The following CPQ variants were observed in gnomAD, a reference collection of about 807,000 sequenced individuals.
CPQ encodes Ser-Met dipeptidase.
In CPQ, 37 loss-of-function variants were observed where a neutral mutation model predicts 45.7. The observed-to-expected ratio is 0.81, with a 90% confidence interval of 0.62 to 1.07. The LOEUF is 1.07. CPQ is among the 50% of genes least tolerant of loss of function. The pLI, the probability that CPQ is intolerant of heterozygous loss-of-function variation, is 0.00. For synonymous variants in CPQ, 186 were observed against 205.8 expected (o/e 0.90, Z 0.82); for missense variants, 537 against 572.9 (o/e 0.94, Z 0.64).
At chr8:97,001,251 C>G (rs1047436140) in intron 5 of CPQ, among the ~76,000 whole-genome samples, 1 of 152,082 alleles carries the variant, frequency 6.6e-6, no homozygotes, top group Non-Finnish European at 1.5e-5. Context: ...TGCCTGATTG[C>G]CCTGGCCTGA....
chr8:96,722,646 G>T (rs1809780304), intron 1 of CPQ, among the ~76,000 whole-genome samples: 1 of 152,126 alleles, frequency 6.6e-6, no homozygotes, highest in Non-Finnish European at 1.5e-5. Context: ...GATATACTAG[G>T]CTAGTCTGAG....
chr8:97,108,030 C>T (rs751157016), intron 7 of CPQ, among the ~76,000 whole-genome samples: 1 of 152,094 alleles, frequency 6.6e-6, no homozygotes, highest in South Asian at 2.1e-4. Context: ...GGTGGTGGGA[C>T]GATGTGGAAG....
At chr8:96,645,604 T>C (rs1366796142) in intron 1 of CPQ, among the ~76,000 whole-genome samples, 1 of 151,940 alleles carries the variant, frequency 6.6e-6, no homozygotes, top group African/African-American at 2.4e-5. Flanking sequence ...GGCTGCCCCT[T>C]CGGTGACAGT....
chr8:97,131,123 G>A (rs1040410157), intron 7 of CPQ, among the ~76,000 whole-genome samples: 3 of 152,158 alleles, frequency 2.0e-5, no homozygotes, highest in African/African-American at 4.8e-5. Context: ...AGGGTAATTC[G>A]CCTTGTGTCT....
At chr8:97,125,186 T>C (rs1811828182) in intron 7 of CPQ, among the ~76,000 whole-genome samples, 1 of 152,122 alleles carries the variant, frequency 6.6e-6, no homozygotes, top group African/African-American at 2.4e-5. Flanking sequence ...TTGCTAATAC[T>C]GATTCAAGAA....
At chr8:96,771,801 A>G (rs1392602247) in intron 1 of CPQ, among the ~76,000 whole-genome samples, 1 of 152,156 alleles carries the variant, frequency 6.6e-6, no homozygotes, top group Non-Finnish European at 1.5e-5. Context: ...TGGCTGTGCT[A>G]GAGCCTTTCA....
At chr8:96,758,536 T>C (rs1251755938) in intron 1 of CPQ, among the ~76,000 whole-genome samples, 1 of 152,142 alleles carries the variant, frequency 6.6e-6, no homozygotes, top group Admixed American at 6.5e-5. Context: ...TCAATGAAGG[T>C]GTGTGCATGT....
chr8:96,946,560 T>G (rs1262521039), intron 4 of CPQ, among the ~76,000 whole-genome samples: 2 of 151,626 alleles, frequency 1.3e-5, no homozygotes, highest in Non-Finnish European at 2.9e-5. Context: ...CTAACTCTAG[T>G]TATATCTCCC....
At chr8:96,990,280 C>T (rs536341699) in intron 5 of CPQ, among the ~76,000 whole-genome samples, 1 of 152,298 alleles carries the variant, frequency 6.6e-6, no homozygotes, top group South Asian at 2.1e-4. Flanking sequence ...TTTAACTTCT[C>T]AACCAGATGA....
intron 3 of CPQ, among the ~76,000 whole-genome samples, chr8:96,871,502 A>T (rs187179036): frequency 1.4e-5 from 2 of 142,176 alleles, no homozygotes; most frequent in Non-Finnish European, 1.5e-5. Flanking sequence ...TCAAATTGCT[A>T]CTGTGATAGC....
chr8:96,728,306 G>C (rs761499121), intron 1 of CPQ, among the ~76,000 whole-genome samples: 35 of 152,052 alleles, frequency 2.3e-4, no homozygotes, highest in Non-Finnish European at 4.9e-4. Flanking sequence ...ATGACAAGAG[G>C]CCAGGATTTT....
intron 5 of CPQ, among the ~76,000 whole-genome samples, chr8:96,985,400 ACT>A (rs1808944999): frequency 6.7e-6 from 1 of 148,834 alleles, no homozygotes; most frequent in African/African-American, 2.5e-5. Context: ...TCTCAATCTC[ACT>A]CTCAGGTTTT....
At chr8:96,958,785 GGA>G (rs1813400620) in intron 4 of CPQ, among the ~76,000 whole-genome samples, 1 of 152,052 alleles carries the variant, frequency 6.6e-6, no homozygotes, top group Non-Finnish European at 1.5e-5. Flanking sequence ...AAGTAAGAGG[GGA>G]TAGTCTGAGA....
chr8:97,015,674 A>G (rs1478804986), intron 5 of CPQ, among the ~76,000 whole-genome samples: 1 of 152,084 alleles, frequency 6.6e-6, no homozygotes, highest in East Asian at 1.9e-4. Context: ...TCTTTAGGGC[A>G]TTGGTGGCAT....
At chr8:97,064,960 A>C (rs1364190972) in intron 6 of CPQ, among the ~76,000 whole-genome samples, 1 of 152,202 alleles carries the variant, frequency 6.6e-6, no homozygotes, top group Admixed American at 6.5e-5. Flanking sequence ...TAAAACAGCA[A>C]CATTAATAAT....
At chr8:96,816,500 A>G (rs910971974) in intron 2 of CPQ, among the ~76,000 whole-genome samples, 6 of 152,102 alleles carry the variant, frequency 3.9e-5, no homozygotes, top group Non-Finnish European at 8.8e-5. Flanking sequence ...GTTAATGTTG[A>G]TATTTTTACC....
chr8:96,866,917 T>A (rs1167399715), intron 3 of CPQ, among the ~76,000 whole-genome samples: 2 of 152,142 alleles, frequency 1.3e-5, no homozygotes, highest in South Asian at 2.1e-4. Flanking sequence ...TTTACCAATG[T>A]CCTGTTTATA....
intron 5 of CPQ, among the ~76,000 whole-genome samples, chr8:97,025,948 C>T (rs565264371): frequency 1.3e-5 from 2 of 152,076 alleles, no homozygotes; most frequent in Admixed American, 6.6e-5. Flanking sequence ...AAGGGAAGAA[C>T]CTGTTTCTAT....
At chr8:96,655,047 G>A (rs2130706799) in intron 1 of CPQ, among the ~76,000 whole-genome samples, 1 of 151,790 alleles carries the variant, frequency 6.6e-6, no homozygotes, top group Admixed American at 6.6e-5. Flanking sequence ...TTTGATATCA[G>A]GCAGTGTGAT....
Sources: gnomAD v4.1 joint callset for allele counts (sites outside exome capture counted in the v4.1 genomes callset) on GRCh38, gnomAD v4.1.1 for gene constraint, MANE v1.5 for transcripts, NCBI Gene and HGNC (gene_info 2026-07-23, HGNC 2026-07-21) for gene names.